The following BTBD9 variants were observed in gnomAD, a reference collection of about 807,000 sequenced individuals.
The protein encoded by BTBD9 is BTB/POZ domain-containing protein 9.
A neutral mutation model predicts 64.3 loss-of-function variants in BTBD9; 49 were observed. That is an observed-to-expected ratio of 0.76 (90% CI 0.61 to 0.97). The LOEUF (loss-of-function observed/expected upper bound fraction) is 0.97, where lower values mean the gene tolerates loss of function less well. Among genes scored for constraint, BTBD9 ranks in the 50% least tolerant of loss-of-function variants. The pLI, the probability that BTBD9 is intolerant of heterozygous loss-of-function variation, is 0.00. For synonymous variants in BTBD9, 260 were observed against 274.7 expected (o/e 0.95, Z 0.53); for missense variants, 598 against 762.1 (o/e 0.78, Z 2.53).
intron 6 of BTBD9, among the ~76,000 whole-genome samples, chr6:38,381,437 A>C (rs1194486776): frequency 6.6e-6 from 1 of 152,210 alleles, no homozygotes; most frequent in Non-Finnish European, 1.5e-5. Flanking sequence ...ATATGCAGCT[A>C]ATATAGTTTC....
chr6:38,401,367 A>G (rs1462864613), intron 6 of BTBD9, among the ~76,000 whole-genome samples: 2 of 152,204 alleles, frequency 1.3e-5, no homozygotes, highest in East Asian at 1.9e-4. Context: ...CTGTGAGTCA[A>G]TGTTAAACCT....
intron 7 of BTBD9, among the ~76,000 whole-genome samples, chr6:38,329,103 A>T (rs976963072): frequency 6.6e-6 from 1 of 150,902 alleles, no homozygotes; most frequent in Non-Finnish European, 1.5e-5. Context: ...TATATTATGA[A>T]ATGTATGAAT....
At chr6:38,287,534 A>C (rs1170095788) in intron 8 of BTBD9, among the ~76,000 whole-genome samples, 1 of 152,154 alleles carries the variant, frequency 6.6e-6, no homozygotes, top group Non-Finnish European at 1.5e-5. Context: ...ACTGTGTTAT[A>C]ATTGCCTACA....
intron 1 of BTBD9, among the ~76,000 whole-genome samples, chr6:38,613,969 C>G (rs1226480276): frequency 6.6e-6 from 1 of 152,160 alleles, no homozygotes; most frequent in Non-Finnish European, 1.5e-5. Context: ...CACCAGAACG[C>G]TTACCACCAT....
intron 6 of BTBD9, among the ~76,000 whole-genome samples, chr6:38,458,855 C>T (rs1369847863): frequency 6.6e-6 from 1 of 151,902 alleles, no homozygotes; most frequent in African/African-American, 2.4e-5. Context: ...TGAGAATACA[C>T]AAAAAATTTA....
At chr6:38,265,575 T>TACTGCAACCTCTGCTC (rs1471845872) in intron 8 of BTBD9, among the ~76,000 whole-genome samples, 1 of 151,726 alleles carries the variant, frequency 6.6e-6, no homozygotes, top group Non-Finnish European at 1.5e-5. Flanking sequence ...AATCTTGGCT[T>TACTGCAACCTCTGCTC]ACTGCAACCT....
intron 6 of BTBD9, among the ~76,000 whole-genome samples, chr6:38,387,824 AAGG>A (rs1217512818): frequency 6.6e-6 from 1 of 152,196 alleles, no homozygotes; most frequent in Non-Finnish European, 1.5e-5. Context: ...CAGAATCATA[AAGG>A]AGAAGAGCTA....
At chr6:38,320,626 G>C (rs1016918317) in intron 7 of BTBD9, among the ~76,000 whole-genome samples, 2 of 152,098 alleles carry the variant, frequency 1.3e-5, no homozygotes, top group African/African-American at 2.4e-5. Flanking sequence ...TAACCATTCT[G>C]TGACTGTTTC....
chr6:38,456,254 C>A (rs985116685), intron 6 of BTBD9, among the ~76,000 whole-genome samples: 9 of 152,186 alleles, frequency 5.9e-5, no homozygotes, highest in African/African-American at 1.9e-4. Context: ...TTCCTAAGTA[C>A]TGGGATTACA....
At chr6:38,573,088 T>G (rs983583619) in intron 6 of BTBD9, among the ~76,000 whole-genome samples, 1 of 152,046 alleles carries the variant, frequency 6.6e-6, no homozygotes, top group African/African-American at 2.4e-5. Context: ...AAAAACAGGC[T>G]TTTCATAAAT....
chr6:38,358,051 G>T (rs1350380616), intron 6 of BTBD9, among the ~76,000 whole-genome samples: 1 of 152,028 alleles, frequency 6.6e-6, no homozygotes. Flanking sequence ...AAAAGAAAGA[G>T]GGGGTGTGTT....
intron 4 of BTBD9, among the ~76,000 whole-genome samples, chr6:38,582,881 C>T (rs1276504088): frequency 6.6e-6 from 1 of 152,090 alleles, no homozygotes; most frequent in African/African-American, 2.4e-5. Context: ...ACATATAAAG[C>T]GCTCATTCAG....
intron 6 of BTBD9, among the ~76,000 whole-genome samples, chr6:38,445,331 T>A (rs754498177): frequency 7.2e-5 from 11 of 152,232 alleles, no homozygotes; most frequent in Non-Finnish European, 1.3e-4. Context: ...TAGGATTCTT[T>A]GGTCTTAACT....
At chr6:38,384,993 CT>C (rs1380902998) in intron 6 of BTBD9, among the ~76,000 whole-genome samples, 2 of 151,674 alleles carry the variant, frequency 1.3e-5, no homozygotes, top group East Asian at 3.9e-4. Context: ...CTAAGGTCTG[CT>C]TCAGTGTCAA....
chr6:38,623,819 A>G (rs1201501581), intron 1 of BTBD9, among the ~76,000 whole-genome samples: 1 of 152,142 alleles, frequency 6.6e-6, no homozygotes, highest in East Asian at 1.9e-4. Flanking sequence ...CAAGCTACAG[A>G]TGGTCTTACA....
At chr6:38,295,678 T>C (rs1055741426) in intron 7 of BTBD9, among the ~76,000 whole-genome samples, 2 of 152,186 alleles carry the variant, frequency 1.3e-5, no homozygotes, top group East Asian at 3.9e-4. Flanking sequence ...GAACAGCCCA[T>C]CCTTTCCCCC....
chr6:38,222,239 TTAA>T (rs1460360064), intron 9 of BTBD9, among the ~76,000 whole-genome samples: 16 of 146,382 alleles, frequency 1.1e-4, no homozygotes, highest in African/African-American at 4.0e-4. Flanking sequence ...TAAATTAGCC[TTAA>T]TAATTCATTC....
rs1379359735 is a variant in BTBD9, at chr6:38,499,632, A to G, written c.1154+77968T>C. Among the ~76,000 whole-genome samples the G allele has an allele frequency of 3.3e-5, 5 of 152,378 alleles. No individual in the cohort carries two copies. In the South Asian group the frequency reaches 8.3e-4, roughly 25 times the overall value. ...GAATCCCATGCAGAAAGACACAGAC[A>G]GTACACTTCACAAACAGTAATGAAT... is the stretch of plus-strand genomic sequence containing the variant. On this transcript the variant is annotated intron_variant, in intron 6 of 10. Transcript: ENST00000481247.
intron 6 of BTBD9, among the ~76,000 whole-genome samples, chr6:38,396,970 C>G (rs1392674193): frequency 1.2e-4 from 17 of 143,544 alleles, no homozygotes; most frequent in Admixed American, 7.3e-4. Flanking sequence ...GGCGCAATCT[C>G]GGCTCACTGC....
Sources: allele counts gnomAD v4.1 joint callset (sites outside exome capture counted in the v4.1 genomes callset), GRCh38; gene constraint gnomAD v4.1.1; transcripts MANE v1.5; gene names NCBI Gene and HGNC (gene_info 2026-07-23, HGNC 2026-07-21).